Variants in BRICD5 observed in about 807,000 individuals in gnomAD.
BRICD5 encodes the protein BRICHOS domain-containing protein 5.
Under a neutral mutation model 28.4 loss-of-function variants are expected in BRICD5, and 51 were observed. That is an observed-to-expected ratio of 1.80 (90% CI 1.43 to 2.27). The LOEUF (loss-of-function observed/expected upper bound fraction) is 2.27, where lower values mean the gene tolerates loss of function less well. BRICD5 is among the 30% of genes most tolerant of loss of function. The pLI, the probability that BRICD5 is intolerant of heterozygous loss-of-function variation, is 0.00. For missense variants in BRICD5, 456 were observed against 309.6 expected (o/e 1.47, Z -3.55); for synonymous variants, 177 against 130.2 (o/e 1.36, Z -2.44).
chr16:2,209,777 C>T (rs895839662), intron 4 of BRICD5, 71 bp from the exon 5 acceptor site: 13 of 1,476,688 alleles, frequency 8.8e-6, no homozygotes, highest in Middle Eastern at 5.0e-4. Flanking sequence ...GGCCGGGTAC[C>T]CTCCAACCCC....
rs1480717160 is a variant in BRICD5, at chr16:2,209,591, C to T, written c.554G>A (p.Cys185Tyr). 2 of 1,612,270 alleles carry T rather than the reference C, an allele frequency of 1.2e-6. No homozygotes were observed. Among genetic ancestry groups the T allele is most frequent in the African/African-American group, 2.7e-5 (2 of 74,934 alleles). ...GGCCCAGTAGATGGGGGTCCTCATG[C>T]ACAGGCGCTGCACCAAAGCCCCCGC... Reference protein sequence around the residue: ...AQAGALVQRLCMRTPIYWARR... With the variant: ...AQAGALVQRLYMRTPIYWARR... Residue 185 changes from cysteine to tyrosine, a missense_variant, in exon 5 of 6, where the codon TGC becomes TAC. Cys to Tyr is a radical substitution (Grantham distance 194). Coordinates refer to ENST00000328540, the MANE Select transcript of BRICD5 (RefSeq NM_182563.4).
rs1431970853 is a variant in BRICD5, at chr16:2,210,667, G to A, written c.52-17C>T. The A allele has an allele frequency of 6.2e-7, 1 of 1,610,692 alleles. No homozygotes were observed. Among genetic ancestry groups the A allele is most frequent in the Admixed American group, 1.7e-5 (1 of 59,808 alleles). On this transcript the variant is annotated splice_polypyrimidine_tract_variant and intron_variant, in intron 1 of 5. Coordinates refer to ENST00000328540, the MANE Select transcript of BRICD5 (RefSeq NM_182563.4). ...GGTCTTCACCTGGGCGTGCATCAGG[G>A]TCAGAAGGGTCATGAGGGTTAGACA...
chr16:2,210,316 G>C, intron 2 of BRICD5, 35 bp from the exon 3 acceptor site: 7 of 1,507,176 alleles, frequency 4.6e-6, no homozygotes, highest in African/African-American at 1.4e-5. Flanking sequence ...CCGGGCAGCT[G>C]TGCAACCCCA....
chr16:2,210,511 G>A lies in BRICD5; in HGVS notation c.180+11C>T, dbSNP rs1333285234. On this transcript the variant is annotated intron_variant, in intron 2 of 5. Coordinates refer to ENST00000328540, the MANE Select transcript of BRICD5 (RefSeq NM_182563.4). Reference sequence around the variant, plus strand: ...CACTGTCCATGTCCCTGGTGCTGAGGAGGGGCTCACCTTGGGAGGGCCCTG... The same window carrying A: ...CACTGTCCATGTCCCTGGTGCTGAGAAGGGGCTCACCTTGGGAGGGCCCTG... 7 of 1,597,836 alleles carry A rather than the reference G, an allele frequency of 4.4e-6. No individual in the cohort carries two copies. The highest frequency in any genetic ancestry group is 1.7e-4 in the Middle Eastern group (1 of 5,990).
In BRICD5 at chr16:2,209,903, C is replaced by T. The variant is rs766397099; in HGVS notation, c.438+47G>A. On this transcript the variant is annotated intron_variant, in intron 4 of 5. Transcript: ENST00000328540. ...CCCGTACTGGGCTGCACACAGGACC[C>T]TTTGTCTAGCCCCTGGCCCGGGCCT... is the stretch of plus-strand genomic sequence containing the variant. 5.0e-5 allele frequency: 73 copies of T among 1,469,334 alleles called. No homozygotes were observed. In the Middle Eastern group the frequency reaches 5.8e-4, roughly 12 times the overall value. 91.0% of individuals were successfully genotyped at this position (1,469,334 alleles called of 1,614,324 possible). A position where few individuals can be genotyped will look rare whatever the true frequency, so the allele number is the denominator to read the frequency against.
In BRICD5 at chr16:2,209,771, G is replaced by C. The variant is rs528941630; in HGVS notation, c.439-65C>G. 2.0e-6 allele frequency: 3 copies of C among 1,496,414 alleles called. No individual in the cohort carries two copies. The Admixed American group carries it at 5.9e-5, about 30-fold the overall frequency. 92.7% of individuals were successfully genotyped at this position (1,496,414 alleles called of 1,614,324 possible). ...TCCCTGCTCCTGGCTTGGCAGGGCC[G>C]GGTACCCTCCAACCCCCAGTGATGT... is the stretch of plus-strand genomic sequence containing the variant. On this transcript the variant is annotated intron_variant, in intron 4 of 5. Transcript: ENST00000328540.
In BRICD5 at chr16:2,209,653, C is replaced by A. The variant is rs751715543; in HGVS notation, c.492G>T (p.Leu164=). The change falls in exon 5 of 6, where the codon CTG becomes CTT. Residue 164 remains leucine, a synonymous_variant. Transcript: ENST00000328540. ...SQDTHHTQEL[L]AVQGSLEVDP... Reference sequence around the variant, plus strand: ...CCACTTCGAGGCTCCCCTGCACTGCCAGCAGCTCCTGGGTGTGGTGGGTGT... The same window carrying A: ...CCACTTCGAGGCTCCCCTGCACTGCAAGCAGCTCCTGGGTGTGGTGGGTGT... The A allele has an allele frequency of 1.2e-6, 2 of 1,613,458 alleles. No individual in the cohort carries two copies. The highest frequency in any genetic ancestry group is 1.7e-6 in the Non-Finnish European group (2 of 1,179,860).
rs757799655 is a variant in BRICD5 at position 2,210,047 on chromosome 16, C to T, written c.341G>A (p.Cys114Tyr). 3.1e-6 allele frequency: 5 copies of T among 1,595,694 alleles called. No homozygotes were observed. The highest frequency in any genetic ancestry group is 1.7e-5 in the Admixed American group (1 of 58,678). Reference protein sequence around the residue: ...WAVLFDGQSGCICYRPEEHQV... With the variant: ...WAVLFDGQSGYICYRPEEHQV... Reference sequence around the variant, plus strand: ...GTGCTCCTCAGGGCGGTAACAGATGCAGCCCTGGGGAGGCAGGGGGGTGAG... The same window carrying T: ...GTGCTCCTCAGGGCGGTAACAGATGTAGCCCTGGGGAGGCAGGGGGGTGAG... The change falls in exon 4 of 6, where the codon TGC (cysteine) becomes TAC (tyrosine). Residue 114 changes from cysteine to tyrosine, a missense_variant. By Grantham distance (194) the Cys-to-Tyr change is radical. Transcript: ENST00000328540.
At position 2,210,570 on chromosome 16, in the gene BRICD5, C is replaced by A. The variant is rs143402770; in HGVS notation, c.132G>T (p.Val44=). 2.0e-4 allele frequency: 329 copies of A among 1,612,650 alleles called. 1 individual carries two copies. The African/African-American group carries it at 3.8e-3, about 19-fold the overall frequency. The part of the protein sequence containing the change: ...LLLLLLVLAA[V]GVVAGGLLGS... ...CAAGAAGCCCTCCAGCCACAACCCC[C>A]ACAGCGGCCAGCACCAGCAGCAGCA... is the stretch of plus-strand genomic sequence containing the variant. The change falls in exon 2 of 6, where the codon GTG becomes GTT. Residue 44 remains valine, a synonymous_variant. Transcript: ENST00000328540.
intron 5 of BRICD5, 32 bp from the exon 6 acceptor site, chr16:2,209,488 C>T (rs1406711254): frequency 6.2e-7 from 1 of 1,613,116 alleles, no homozygotes; most frequent in African/African-American, 1.3e-5. Flanking sequence ...TCTCCAAGGG[C>T]TCCGCCCCCA....
At position 2,209,386 on chromosome 16, in the gene BRICD5, G is replaced by A. The variant is rs776983175; in HGVS notation, c.663C>T (p.Val221=). 1.9e-6 allele frequency: 3 copies of A among 1,613,518 alleles called. No individual in the cohort carries two copies. The highest frequency in any genetic ancestry group is 3.3e-5 in the Admixed American group (2 of 59,998). ...ICFPSNICVS[V]CFYYLPD is the part of the protein sequence containing the mutation. ...CTCAGTCTGGGAGGTAATAAAAGCAGACCGACACGCAGATGTTGCTCGGGA... is the reference window on the plus strand; with the variant it reads ...CTCAGTCTGGGAGGTAATAAAAGCAAACCGACACGCAGATGTTGCTCGGGA... The change falls in exon 6 of 6, where the codon GTC becomes GTT. Residue 221 remains valine (V), a synonymous_variant. Transcript: ENST00000328540.
intron 4 of BRICD5, 109 bp downstream of exon 4, chr16:2,209,841 G>T: frequency 7.2e-7 from 1 of 1,386,444 alleles, no homozygotes; most frequent in Admixed American, 2.4e-5. Context: ...AGGGCGGAGA[G>T]AGCTTCCTGT....
In BRICD5 at chr16:2,209,601, G is replaced by A. The variant is rs758561513; in HGVS notation, c.544C>T (p.Gln182Ter). Residue 182 changes from glutamine (Q) to a stop codon, truncating the protein, a stop_gained, in exon 5 of 6, where the codon CAG becomes TAG. Coordinates refer to ENST00000328540, the MANE Select transcript of BRICD5 (RefSeq NM_182563.4). LOFTEE classifies it high-confidence loss of function. ...ATGGGGGTCCTCATGCACAGGCGCT[G>A]CACCAAAGCCCCCGCCTGGGCGGGG... ...VDPAQAGALV[Q>*]RLCMRTPIYW... is the part of the protein sequence containing the mutation. The A allele has an allele frequency of 2.5e-6, 4 of 1,612,644 alleles. No homozygotes were observed. The South Asian group carries it at 3.3e-5, about 13-fold the overall frequency.
intron 3 of BRICD5, 23 bp from the exon 4 acceptor site, chr16:2,210,074 CG>C (rs1477490461): frequency 3.1e-6 from 5 of 1,599,858 alleles, no homozygotes; most frequent in East Asian, 4.5e-5. Flanking sequence ...GGGGGTGAGG[CG>C]GGGCCCCCCA....
At chr16:2,210,435 C>T (rs770768553) in intron 2 of BRICD5, 87 bp downstream of exon 2, 229 of 1,539,206 alleles carry the variant, frequency 1.5e-4, no homozygotes, top group Non-Finnish European at 1.9e-4. Flanking sequence ...GCCTGCTCCG[C>T]ACCCTTGCTC....
At position 2,209,723 on chromosome 16, in the gene BRICD5, G is replaced by C; in HGVS notation, c.439-17C>G. 6.3e-7 allele frequency: 1 copy of C among 1,592,778 alleles called. No individual in the cohort carries two copies. The highest frequency in any genetic ancestry group is 8.6e-7 in the Non-Finnish European group (1 of 1,167,592). On this transcript the variant is annotated splice_polypyrimidine_tract_variant and intron_variant, in intron 4 of 5. Transcript: ENST00000328540. ...CTCTTGGACCTGTTGAGAAGGCTCT[G>C]GTGGGCGGTGGGACAGGGCTGCTCC...
At position 2,210,575 on chromosome 16, in the gene BRICD5, CG is replaced by C. The variant is rs1364224884; in HGVS notation, c.126del (p.Ala43LeufsTer26). Reference sequence around the variant, plus strand: ...AGCCCTCCAGCCACAACCCCCACAGCGGCCAGCACCAGCAGCAGCAGCAGCA... The same window carrying C: ...AGCCCTCCAGCCACAACCCCCACAGCGCCAGCACCAGCAGCAGCAGCAGCA... ...LLLLLLLLVL[A>X]AVGVVAGGLL... is the part of the protein sequence containing the mutation. On this transcript the variant is annotated frameshift_variant, in exon 2 of 6. Coordinates refer to ENST00000328540, the MANE Select transcript of BRICD5 (RefSeq NM_182563.4). LOFTEE classifies it high-confidence loss of function. 1 of 1,612,266 alleles carries C rather than the reference CG, an allele frequency of 6.2e-7. No individual in the cohort carries two copies.
rs2093369394 is a variant in BRICD5, at chr16:2,210,571, A to AC, written c.130dup (p.Val44GlyfsTer77). ...AAGAAGCCCTCCAGCCACAACCCCC[A>AC]CAGCGGCCAGCACCAGCAGCAGCAG... On this transcript the variant is annotated frameshift_variant, in exon 2 of 6. Transcript: ENST00000328540. LOFTEE classifies it high-confidence loss of function. 1.2e-6 allele frequency: 2 copies of AC among 1,612,562 alleles called. No homozygotes were observed. The highest frequency in any genetic ancestry group is 2.7e-5 in the African/African-American group (2 of 74,992).
chr16:2,210,330 C>G, intron 2 of BRICD5, 49 bp from the exon 3 acceptor site: 1 of 1,505,210 alleles, frequency 6.6e-7, no homozygotes. Context: ...AACCCCAGCA[C>G]AGCCTCCAGC....
Sources: gnomAD v4.1 joint callset for allele counts on GRCh38, gnomAD v4.1.1 for gene constraint, MANE v1.5 for transcripts, NCBI Gene and HGNC (gene_info 2026-07-23, HGNC 2026-07-21) for gene names.